Variants in DMXL1 observed in about 807,000 individuals in gnomAD.
DMXL1 encodes Dmx like 1, also known as dmX-like protein 1.
DMXL1 carries 99 observed loss-of-function variants against 319.2 expected under a neutral mutation model. The observed-to-expected ratio is 0.31, with a 90% CI of 0.26 to 0.37. The LOEUF is 0.37. DMXL1 is among the 10% of genes least tolerant of loss of function. The pLI is 1.00. For missense variants in DMXL1, 3,745 were observed against 3,595.6 expected (o/e 1.04, Z -1.06); for synonymous variants, 1,385 against 1,235.2 (o/e 1.12, Z -2.54).
intron 3 of DMXL1, among the ~76,000 whole-genome samples, chr5:119,103,779 A>C (rs1757770779): frequency 6.6e-6 from 1 of 152,220 alleles, no homozygotes; most frequent in Admixed American, 6.5e-5. Flanking sequence ...TACTCAATAA[A>C]TATTTATTAA....
chr5:119,189,207 C>T (rs930217210), intron 28 of DMXL1, among the ~76,000 whole-genome samples: 7 of 151,878 alleles, frequency 4.6e-5, no homozygotes, highest in African/African-American at 9.7e-5. Flanking sequence ...GAGCCGTTTC[C>T]GAAAGTTTGA....
At position 119,098,226 on chromosome 5, in the gene DMXL1, A is replaced by G. The variant is rs534520334; in HGVS notation, c.213+122A>G. The G allele has an allele frequency of 6.6e-6, 8 of 1,207,166 alleles. No homozygotes were observed. In the Admixed American group the frequency reaches 8.0e-5, roughly 12 times the overall value. 74.8% of individuals were successfully genotyped at this position (1,207,166 alleles called of 1,614,324 possible). On this transcript the variant is annotated intron_variant, in intron 2 of 43. Transcript: ENST00000539542. ...GCTTTGTTTCAAAGATAGTGTAGCTAGAAGAATTTTTGGCTGTCTAAGATG... is the reference window on the plus strand; with the variant it reads ...GCTTTGTTTCAAAGATAGTGTAGCTGGAAGAATTTTTGGCTGTCTAAGATG...
intron 25 of DMXL1, among the ~76,000 whole-genome samples, chr5:119,172,718 A>G (rs1397606819): frequency 6.6e-6 from 1 of 152,030 alleles, no homozygotes; most frequent in Non-Finnish European, 1.5e-5. Flanking sequence ...GACCATTTTC[A>G]TATATCCCTA....
chr5:119,075,274 C>T (rs1453048175), intron 1 of DMXL1, among the ~76,000 whole-genome samples: 3 of 135,422 alleles, frequency 2.2e-5, no homozygotes, highest in African/African-American at 8.4e-5. Flanking sequence ...GAGTATCACT[C>T]TATCACCCAG....
chr5:119,190,008 A>C, intron 29 of DMXL1, 122 bp downstream of exon 29: 1 of 870,128 alleles, frequency 1.1e-6, no homozygotes. Flanking sequence ...AATTTTCATT[A>C]GTATCAGGCT....
chr5:119,165,146 T>A (rs776928182), intron 20 of DMXL1, 37 bp from the exon 21 acceptor site: 48 of 1,282,306 alleles, frequency 3.7e-5, no homozygotes, highest in Non-Finnish European at 5.4e-5. Context: ...TTCAAAACTG[T>A]TTCTGTGAAA....
rs947916266 is a variant in DMXL1 at position 119,174,456 on chromosome 5, A to G, written c.6682-805A>G. Among the ~76,000 whole-genome samples, 6 of 152,198 alleles carry G rather than the reference A, an allele frequency of 3.9e-5. No homozygotes were observed. The East Asian group carries it at 5.8e-4, about 15-fold the overall frequency. On this transcript the variant is annotated intron_variant, in intron 25 of 43. Coordinates refer to ENST00000539542, the MANE Select transcript of DMXL1 (RefSeq NM_001290321.3). ...TGATCATTTTTGCAAGCTCCCATATATAGTTTTTGTCATCTTCAATTATAT... is the reference window on the plus strand; with the variant it reads ...TGATCATTTTTGCAAGCTCCCATATGTAGTTTTTGTCATCTTCAATTATAT...
intron 19 of DMXL1, among the ~76,000 whole-genome samples, chr5:119,159,225 G>A (rs957240210): frequency 9.9e-5 from 15 of 151,906 alleles, no homozygotes; most frequent in African/African-American, 3.6e-4. Flanking sequence ...TTCTGCCCCC[G>A]GGTTTCAGGT....
At chr5:119,082,028 C>T (rs200502997) in intron 1 of DMXL1, among the ~76,000 whole-genome samples, 37,285 of 127,466 alleles carry the variant, frequency 0.29, 6,113 homozygotes, top group East Asian at 0.55. Flanking sequence ...TATACACACA[C>T]ACACACACAC....
chr5:119,198,089 A>G, intron 32 of DMXL1, 133 bp downstream of exon 32: 3 of 792,608 alleles, frequency 3.8e-6, no homozygotes, highest in Non-Finnish European at 6.1e-6. Context: ...CCTGGGTTCA[A>G]GTGATTCTCC....
Position 119,151,948 on chromosome 5 carries a change from A to G in DMXL1, c.4614A>G (p.Glu1538=). 6.2e-7 allele frequency: 1 copy of G among 1,612,638 alleles called. No individual in the cohort carries two copies. Among genetic ancestry groups the G allele is most frequent in the Non-Finnish European group, 8.5e-7 (1 of 1,179,160 alleles). Residue 1538 remains glutamate, a synonymous_variant, in exon 19 of 44, where the codon GAA becomes GAG. Transcript: ENST00000539542. ...DRSQGGETLD[E]CGLKFLLAVR... is the part of the protein sequence containing the mutation. ...TTGCAGGTGGAGAAACTCTTGATGAATGTGGGTTAAAATTTCTTTTGGCTG... is the reference window on the plus strand; with the variant it reads ...TTGCAGGTGGAGAAACTCTTGATGAGTGTGGGTTAAAATTTCTTTTGGCTG...
intron 35 of DMXL1, among the ~76,000 whole-genome samples, chr5:119,218,278 C>T (rs1784039521): frequency 6.6e-6 from 1 of 152,004 alleles, no homozygotes; most frequent in African/African-American, 2.4e-5. Context: ...TTAAAATAGT[C>T]TGTGCTATAA....
intron 9 of DMXL1, 23 bp downstream of exon 9, chr5:119,121,162 A>G (rs1761958129): frequency 6.4e-7 from 1 of 1,550,988 alleles, no homozygotes; most frequent in Middle Eastern, 1.7e-4. Context: ...TGTTCAAAAC[A>G]TGTTTCTGAA....
chr5:119,239,874 T>C (rs1301564436), intron 41 of DMXL1, among the ~76,000 whole-genome samples: 1 of 151,406 alleles, frequency 6.6e-6, no homozygotes, highest in African/African-American at 2.4e-5. Context: ...GGAGAATCGC[T>C]TGAACCTGGG....
At chr5:119,178,359 G>A (rs545552326) in intron 28 of DMXL1, 115 bp downstream of exon 28, 9 of 1,213,356 alleles carry the variant, frequency 7.4e-6, no homozygotes, top group East Asian at 2.5e-5. Flanking sequence ...GACCATTTGC[G>A]AAAAGCATAA....
In DMXL1 at chr5:119,118,925, A is replaced by G. The variant is rs1761434045; in HGVS notation, c.854A>G (p.His285Arg). 2.5e-6 allele frequency: 4 copies of G among 1,613,846 alleles called. No homozygotes were observed. Among genetic ancestry groups the G allele is most frequent in the African/African-American group, 1.3e-5 (1 of 75,050 alleles). The change falls in exon 8 of 44, where the codon CAT becomes CGT. Residue 285 changes from histidine to arginine, a missense_variant. Around this residue, in one of 4 missense-constraint regions of DMXL1, gnomAD observed 2,096 missense variants for 1,985.4 expected, o/e 1.06. Transcript: ENST00000539542. Reference sequence around the variant, plus strand: ...TTGCTATACGGAGGTGACTGCAGCCATTGGACTGAATCAATTAATTTAACA... The same window carrying G: ...TTGCTATACGGAGGTGACTGCAGCCGTTGGACTGAATCAATTAATTTAACA... The part of the protein sequence containing the change: ...DCLLYGGDCS[H>R]WTESINLTNN...
At chr5:119,191,410 G>A (rs1778676202) in intron 29 of DMXL1, among the ~76,000 whole-genome samples, 1 of 152,078 alleles carries the variant, frequency 6.6e-6, no homozygotes. Flanking sequence ...GGTAGTGAAG[G>A]GAGTTTGGGT....
intron 41 of DMXL1, among the ~76,000 whole-genome samples, chr5:119,239,311 A>G (rs1258473123): frequency 6.6e-6 from 1 of 152,128 alleles, no homozygotes; most frequent in Non-Finnish European, 1.5e-5. Context: ...GATTTCTGTT[A>G]TATAACTGAG....
chr5:119,212,577 T>C (rs1782987866), intron 34 of DMXL1, among the ~76,000 whole-genome samples: 1 of 152,204 alleles, frequency 6.6e-6, no homozygotes, highest in African/African-American at 2.4e-5. Flanking sequence ...GTGGAATTGC[T>C]AGATCATATA....
Sources: allele counts gnomAD v4.1 joint callset (sites outside exome capture counted in the v4.1 genomes callset), GRCh38; gene constraint gnomAD v4.1.1; regional missense constraint gnomAD v4.1.1; transcripts MANE v1.5; gene names NCBI Gene and HGNC (gene_info 2026-07-23, HGNC 2026-07-21).